Variants in EXOC4 observed in about 807,000 individuals in gnomAD.
EXOC4 encodes the protein exocyst complex component 4, also known as SEC8-like 1.
Under a neutral mutation model 107.2 loss-of-function variants are expected in EXOC4, and 71 were observed. The observed-to-expected ratio is 0.66, with a 90% confidence interval of 0.55 to 0.81. EXOC4 has a LOEUF of 0.81. Ranked by LOEUF, EXOC4 falls within the 30% of genes least tolerant of loss-of-function variation. The pLI, the probability that EXOC4 is intolerant of heterozygous loss-of-function variation, is 0.00. For synonymous variants in EXOC4, 456 were observed against 441.2 expected, an observed-to-expected ratio of 1.03 and a Z score of -0.42; for missense variants, 1,108 against 1,189.6, an observed-to-expected ratio of 0.93 and a Z score of 1.01.
chr7:133,771,708 T>C (rs1472952424), intron 10 of EXOC4, among the ~76,000 whole-genome samples: 1 of 151,956 alleles, frequency 6.6e-6, no homozygotes, highest in Non-Finnish European at 1.5e-5. Context: ...CATATCATAT[T>C]GCTACAGTCG....
chr7:134,005,471 A>G (rs1794624787), intron 16 of EXOC4, among the ~76,000 whole-genome samples: 1 of 152,278 alleles, frequency 6.6e-6, no homozygotes, highest in African/African-American at 2.4e-5. Flanking sequence ...TAAAATTATC[A>G]CTGGAACGGG....
chr7:133,342,764 T>G (rs1477054421), intron 5 of EXOC4, among the ~76,000 whole-genome samples: 2 of 152,186 alleles, frequency 1.3e-5, no homozygotes, highest in Non-Finnish European at 2.9e-5. Context: ...TTTGAAAGCC[T>G]TGTCTTTGAG....
intron 9 of EXOC4, among the ~76,000 whole-genome samples, chr7:133,581,945 G>A (rs1335540103): frequency 1.3e-5 from 2 of 152,022 alleles, no homozygotes; most frequent in Non-Finnish European, 2.9e-5. Context: ...AGGGGAAACT[G>A]CCACTTTTAA....
At chr7:133,508,884 A>G (rs1052815007) in intron 9 of EXOC4, among the ~76,000 whole-genome samples, 7 of 152,210 alleles carry the variant, frequency 4.6e-5, no homozygotes, top group African/African-American at 1.4e-4. Context: ...ATAAAATGCT[A>G]TAGAGAGATA....
At chr7:134,063,958 C>G (rs1378046962) in intron 17 of EXOC4, among the ~76,000 whole-genome samples, 1 of 152,170 alleles carries the variant, frequency 6.6e-6, no homozygotes, top group African/African-American at 2.4e-5. Context: ...TGCCTTCTCT[C>G]CTTCTTCAGG....
At position 133,436,130 on chromosome 7, in the gene EXOC4, G is replaced by A. The variant is rs540579341; in HGVS notation, c.1183-39198G>A. 3.3e-5 allele frequency among the ~76,000 whole-genome samples: 5 copies of A among 150,716 alleles called. No individual in the cohort carries two copies. The South Asian group carries it at 6.3e-4, about 19-fold the overall frequency. On this transcript the variant is annotated intron_variant, in intron 7 of 17. Coordinates refer to ENST00000253861, the MANE Select transcript of EXOC4 (RefSeq NM_021807.4). ...AGAAATTGGTGATCTTGCATCAGCC[G>A]GCTTGTTTTTGAAAGATGTTTTTCT...
At chr7:133,669,828 G>A (rs987899772) in intron 10 of EXOC4, among the ~76,000 whole-genome samples, 2 of 152,152 alleles carry the variant, frequency 1.3e-5, no homozygotes, top group African/African-American at 2.4e-5. Flanking sequence ...CTGTTTCTGA[G>A]GAACACTTAC....
At chr7:133,934,747 A>T (rs774702771) in intron 13 of EXOC4, among the ~76,000 whole-genome samples, 1 of 152,040 alleles carries the variant, frequency 6.6e-6, no homozygotes, top group African/African-American at 2.4e-5. Context: ...ATCACAGATG[A>T]TTAAGGGGCT....
rs1049097322 is a variant in EXOC4 at position 133,344,080 on chromosome 7, A to G, written c.764-12250A>G. Among the ~76,000 whole-genome samples the G allele has an allele frequency of 3.3e-5, 5 of 152,068 alleles. No individual in the cohort carries two copies. In the East Asian group the frequency reaches 9.6e-4, roughly 29 times the overall value. Reference sequence around the variant, plus strand: ...AGTTCTCCTATTTTGGCCTCCCAATATACTGGGATTACAGGCATGAGCCAG... The same window carrying G: ...AGTTCTCCTATTTTGGCCTCCCAATGTACTGGGATTACAGGCATGAGCCAG... On this transcript the variant is annotated intron_variant, in intron 5 of 17. Coordinates refer to ENST00000253861, the MANE Select transcript of EXOC4 (RefSeq NM_021807.4).
At chr7:133,737,426 A>G (rs955764485) in intron 10 of EXOC4, among the ~76,000 whole-genome samples, 2 of 150,786 alleles carry the variant, frequency 1.3e-5, no homozygotes, top group East Asian at 1.9e-4. Flanking sequence ...CTTTTCTAGT[A>G]TAAATGTTCT....
At chr7:133,289,899 ATTG>A (rs1213426514) in intron 3 of EXOC4, among the ~76,000 whole-genome samples, 1 of 152,276 alleles carries the variant, frequency 6.6e-6, no homozygotes, top group African/African-American at 2.4e-5. Context: ...CTGTATTTGA[ATTG>A]TTGTTTTTTC....
At chr7:133,318,174 G>A (rs557972898) in intron 5 of EXOC4, among the ~76,000 whole-genome samples, 6 of 152,268 alleles carry the variant, frequency 3.9e-5, no homozygotes, top group East Asian at 1.9e-4. Context: ...ACTCATAGTC[G>A]TACCTGTAAC....
At chr7:133,785,134 G>A (rs560896497) in intron 10 of EXOC4, among the ~76,000 whole-genome samples, 2 of 152,220 alleles carry the variant, frequency 1.3e-5, no homozygotes, top group East Asian at 1.9e-4. Flanking sequence ...AGCAAAAGGC[G>A]TCTGGAGAAA....
At chr7:133,502,754 C>G (rs1486259183) in intron 9 of EXOC4, among the ~76,000 whole-genome samples, 1 of 152,150 alleles carries the variant, frequency 6.6e-6, no homozygotes, top group Non-Finnish European at 1.5e-5. Context: ...CCAAGGAATG[C>G]AACATAATGA....
chr7:133,580,987 C>T (rs1319305530), intron 9 of EXOC4, among the ~76,000 whole-genome samples: 1 of 152,216 alleles, frequency 6.6e-6, no homozygotes, highest in Non-Finnish European at 1.5e-5. Flanking sequence ...AGGCCTCTTT[C>T]CTTCCGAGTG....
intron 9 of EXOC4, among the ~76,000 whole-genome samples, chr7:133,611,227 T>G (rs1050816474): frequency 6.6e-6 from 1 of 152,164 alleles, no homozygotes; most frequent in African/African-American, 2.4e-5. Flanking sequence ...TTTGGTGTAG[T>G]GGCAGAGGTT....
intron 11 of EXOC4, among the ~76,000 whole-genome samples, chr7:133,821,025 T>G (rs1248758724): frequency 6.6e-6 from 1 of 152,196 alleles, no homozygotes; most frequent in Non-Finnish European, 1.5e-5. Flanking sequence ...CAATCAGCAT[T>G]TTATACCTAA....
At chr7:133,849,726 G>T (rs55796860) in intron 11 of EXOC4, among the ~76,000 whole-genome samples, 1 of 152,040 alleles carries the variant, frequency 6.6e-6, no homozygotes, top group Admixed American at 6.6e-5. Flanking sequence ...AAGCGATAAC[G>T]TCTGTTTGCT....
At chr7:133,498,019 C>T (rs182235833) in intron 9 of EXOC4, among the ~76,000 whole-genome samples, 1 of 152,214 alleles carries the variant, frequency 6.6e-6, no homozygotes, top group Non-Finnish European at 1.5e-5. Context: ...TGATAGCCCC[C>T]TGAGGAAAGC....
Sources: gnomAD v4.1 joint callset for allele counts (sites outside exome capture counted in the v4.1 genomes callset) on GRCh38, gnomAD v4.1.1 for gene constraint, MANE v1.5 for transcripts, NCBI Gene and HGNC (gene_info 2026-07-23, HGNC 2026-07-21) for gene names.